CLDN10: variants seen among roughly 807,000 people sequenced by gnomAD.
CLDN10 encodes the protein claudin-10.
In CLDN10, 15 loss-of-function variants were observed where a neutral mutation model predicts 22.9. That is an observed-to-expected ratio of 0.65 (90% CI 0.44 to 1.01). CLDN10 has a LOEUF of 1.01. Ranked by LOEUF, CLDN10 falls within the 50% of genes least tolerant of loss-of-function variation. The pLI, the probability that CLDN10 is intolerant of heterozygous loss-of-function variation, is 0.00. For synonymous variants in CLDN10, 114 were observed against 111.4 expected, an observed-to-expected ratio of 1.02 and a Z score of -0.15; for missense variants, 247 against 287.8, an observed-to-expected ratio of 0.86 and a Z score of 1.03.
At chr13:95,555,548 T>C (rs1045695808) in intron 1 of CLDN10, among the ~76,000 whole-genome samples, 5 of 152,268 alleles carry the variant, frequency 3.3e-5, no homozygotes, top group Non-Finnish European at 7.3e-5. Flanking sequence ...TCTCACACCA[T>C]TGTTCATCTT....
chr13:95,506,134 G>A (rs1383435860), intron 1 of CLDN10, among the ~76,000 whole-genome samples: 1 of 152,202 alleles, frequency 6.6e-6, no homozygotes, highest in Non-Finnish European at 1.5e-5. Flanking sequence ...AGGAATGTCT[G>A]CAGCTGCTGA....
chr13:95,542,184 T>C (rs1048636363), intron 1 of CLDN10, among the ~76,000 whole-genome samples: 9 of 152,320 alleles, frequency 5.9e-5, no homozygotes, highest in Middle Eastern at 3.4e-3. Context: ...CCCAAGGGGA[T>C]GGTGCTGAAC....
intron 1 of CLDN10, among the ~76,000 whole-genome samples, chr13:95,496,575 G>A (rs571551115): frequency 1.2e-4 from 18 of 152,302 alleles, no homozygotes; most frequent in East Asian, 1.9e-4. Flanking sequence ...GGAAGTTCAC[G>A]GTCAAGGGCC....
intron 3 of CLDN10, among the ~76,000 whole-genome samples, chr13:95,571,527 G>A (rs1281797621): frequency 2.0e-5 from 3 of 152,238 alleles, no homozygotes; most frequent in East Asian, 3.9e-4. Context: ...CAGCAGAGGG[G>A]GAGGCTGAGC....
chr13:95,559,159 C>T (rs1030829335), intron 1 of CLDN10, among the ~76,000 whole-genome samples: 3 of 152,184 alleles, frequency 2.0e-5, no homozygotes, highest in Admixed American at 2.0e-4. Context: ...TACTTACTTA[C>T]ACCCGGTATG....
chr13:95,446,089 A>C (rs1384257646), intron 1 of CLDN10, among the ~76,000 whole-genome samples: 1 of 152,188 alleles, frequency 6.6e-6, no homozygotes, highest in Non-Finnish European at 1.5e-5. Flanking sequence ...GGTAGATGTT[A>C]CTAGAGAGTC....
intron 1 of CLDN10, among the ~76,000 whole-genome samples, chr13:95,511,211 A>C (rs2043094063): frequency 6.6e-6 from 1 of 152,192 alleles, no homozygotes. Context: ...GTAAGAACTC[A>C]AAATAGCAAG....
At chr13:95,466,937 C>A (rs2042586346) in intron 1 of CLDN10, among the ~76,000 whole-genome samples, 1 of 144,236 alleles carries the variant, frequency 6.9e-6, no homozygotes, top group Non-Finnish European at 1.5e-5. Flanking sequence ...AGTGCAGTGG[C>A]ATGATCTCGG....
rs140429897 is a variant in CLDN10 at position 95,513,634 on chromosome 13, A to G, written c.215-46498A>G. Among the ~76,000 whole-genome samples the G allele has an allele frequency of 3.3e-5, 5 of 152,332 alleles. No homozygotes were observed. The East Asian group carries it at 9.7e-4, about 29-fold the overall frequency. On this transcript the variant is annotated intron_variant, in intron 1 of 4. Transcript: ENST00000376873. Reference sequence around the variant, plus strand: ...AAACTTAGAGAAACTGAGAAAATGAAAAGGCTGTAAAAGGGAAGACTCATG... The same window carrying G: ...AAACTTAGAGAAACTGAGAAAATGAGAAGGCTGTAAAAGGGAAGACTCATG...
intron 1 of CLDN10, among the ~76,000 whole-genome samples, chr13:95,445,267 G>T (rs2042362447): frequency 6.6e-6 from 1 of 152,240 alleles, no homozygotes. Flanking sequence ...CCTAAGATGT[G>T]CACAGAGCGG....
intron 1 of CLDN10, among the ~76,000 whole-genome samples, chr13:95,534,430 G>A (rs1466152754): frequency 6.6e-6 from 1 of 152,036 alleles, no homozygotes; most frequent in Non-Finnish European, 1.5e-5. Flanking sequence ...GGGTCATCTG[G>A]TCCACCTAAG....
chr13:95,434,546 TA>T (rs1392505901), intron 1 of CLDN10, among the ~76,000 whole-genome samples: 1 of 146,360 alleles, frequency 6.8e-6, no homozygotes, highest in Non-Finnish European at 1.5e-5. Context: ...CACGTGTGTA[TA>T]TATATATGCA....
At chr13:95,476,905 T>G (rs2042690530) in intron 1 of CLDN10, among the ~76,000 whole-genome samples, 2 of 152,130 alleles carry the variant, frequency 1.3e-5, no homozygotes, top group African/African-American at 4.8e-5. Flanking sequence ...CAACAGTCAC[T>G]GATTGTGCTC....
chr13:95,505,123 G>A (rs1192042813), intron 1 of CLDN10, among the ~76,000 whole-genome samples: 1 of 152,182 alleles, frequency 6.6e-6, no homozygotes, highest in Admixed American at 6.5e-5. Context: ...ACATCTTTCT[G>A]TATTCATTCT....
intron 1 of CLDN10, among the ~76,000 whole-genome samples, chr13:95,557,298 G>C (rs943969469): frequency 6.6e-6 from 1 of 152,180 alleles, no homozygotes; most frequent in African/African-American, 2.4e-5. Context: ...TCCTGGTGGT[G>C]TTACTTGTAA....
chr13:95,528,166 C>T (rs945913888), intron 1 of CLDN10, among the ~76,000 whole-genome samples: 19 of 152,134 alleles, frequency 1.2e-4, no homozygotes, highest in Admixed American at 2.6e-4. Context: ...AATTTTGGCT[C>T]CCATAATGCC....
intron 1 of CLDN10, among the ~76,000 whole-genome samples, chr13:95,495,121 C>T (rs1328389773): frequency 6.6e-6 from 1 of 151,526 alleles, no homozygotes; most frequent in South Asian, 2.1e-4. Flanking sequence ...CTGCAACCTC[C>T]ACCTCCTGAG....
chr13:95,577,230 G>C lies in CLDN10; in HGVS notation c.465-1G>C. 1 of 1,602,182 alleles carries C rather than the reference G, an allele frequency of 6.2e-7. No homozygotes were observed. The highest frequency in any genetic ancestry group is 1.1e-5 in the South Asian group (1 of 90,764). ...AATACTTGTGTAATGCTTTCTCACA[G>C]GTATGAATTAGGAGCCGCTCTGTTT... On this transcript the variant is annotated splice_acceptor_variant, in intron 3 of 4. Coordinates refer to ENST00000299339, the MANE Select transcript of CLDN10 (RefSeq NM_006984.5). LOFTEE classifies it high-confidence loss of function.
At chr13:95,510,141 T>C (rs1378571268) in intron 1 of CLDN10, among the ~76,000 whole-genome samples, 3 of 152,198 alleles carry the variant, frequency 2.0e-5, no homozygotes, top group African/African-American at 7.2e-5. Context: ...GAGTCACATT[T>C]AATGTGGTGG....
Sources: allele counts gnomAD v4.1 joint callset (sites outside exome capture counted in the v4.1 genomes callset), GRCh38; gene constraint gnomAD v4.1.1; transcripts MANE v1.5; gene names NCBI Gene and HGNC (gene_info 2026-07-23, HGNC 2026-07-21).